The following MAGI2 variants were observed in gnomAD, a reference collection of about 807,000 sequenced individuals.
MAGI2 encodes membrane-associated guanylate kinase, WW and PDZ domain-containing protein 2.
MAGI2 carries 35 observed loss-of-function variants against 133.3 expected under a neutral mutation model. The ratio of observed to expected loss-of-function variants is 0.26; its 90% CI spans 0.20 to 0.35. MAGI2 has a LOEUF of 0.35. MAGI2 is among the 10% of genes least tolerant of loss of function. The pLI, the probability that MAGI2 is intolerant of heterozygous loss-of-function variation, is 1.00. For synonymous variants in MAGI2, 729 were observed against 710.6 expected (o/e 1.03, Z -0.41); for missense variants, 1,636 against 1,863.4 (o/e 0.88, Z 2.25).
At chr7:79,147,357 C>A (rs1407751540) in intron 1 of MAGI2, among the ~76,000 whole-genome samples, 1 of 152,178 alleles carries the variant, frequency 6.6e-6, no homozygotes. Flanking sequence ...CCCAAGCTTG[C>A]TTTACTCTTT....
At chr7:78,039,333 G>T (rs1019246768) in intron 21 of MAGI2, among the ~76,000 whole-genome samples, 2 of 152,156 alleles carry the variant, frequency 1.3e-5, no homozygotes, top group Admixed American at 1.3e-4. Context: ...GCCAGTGTGG[G>T]GCTGGTTCTG....
At chr7:78,280,606 T>C (rs1405814863) in intron 9 of MAGI2, among the ~76,000 whole-genome samples, 1 of 152,092 alleles carries the variant, frequency 6.6e-6, no homozygotes, top group Non-Finnish European at 1.5e-5. Context: ...CATATAAGTA[T>C]CACTACCTCC....
intron 9 of MAGI2, among the ~76,000 whole-genome samples, chr7:78,268,329 A>G (rs1384072023): frequency 6.6e-6 from 1 of 152,188 alleles, no homozygotes; most frequent in Non-Finnish European, 1.5e-5. Context: ...AATGCAAAAC[A>G]GCTAATTAAA....
In MAGI2 at chr7:79,122,633, G is replaced by A. The variant is rs188605309; in HGVS notation, c.302-115427C>T. Among the ~76,000 whole-genome samples the A allele has an allele frequency of 4.6e-3, 695 of 151,964 alleles. 7 individuals are homozygous for A. The highest frequency in any genetic ancestry group is 0.016 in the African/African-American group (659 of 41,468). ...TCTAGTGAGAAACAAAATTATTAAA[G>A]ATTTTAATATATTACTTTTTTTTTT... On this transcript the variant is annotated intron_variant, in intron 1 of 21. Coordinates refer to ENST00000354212, the MANE Select transcript of MAGI2 (RefSeq NM_012301.4).
intron 2 of MAGI2, among the ~76,000 whole-genome samples, chr7:78,870,956 C>A (rs1346760221): frequency 1.3e-5 from 2 of 152,100 alleles, no homozygotes; most frequent in African/African-American, 4.8e-5. Flanking sequence ...AATGGAAAAC[C>A]AAATATTATA....
At chr7:78,676,896 C>T (rs1343385450) in intron 2 of MAGI2, among the ~76,000 whole-genome samples, 1 of 151,984 alleles carries the variant, frequency 6.6e-6, no homozygotes, top group Non-Finnish European at 1.5e-5. Flanking sequence ...TCTTACTAAA[C>T]AAATAAAGCA....
chr7:78,908,270 T>C (rs1798132256), intron 2 of MAGI2, among the ~76,000 whole-genome samples: 1 of 152,250 alleles, frequency 6.6e-6, no homozygotes, highest in Non-Finnish European at 1.5e-5. Flanking sequence ...GTTGTCATTA[T>C]ATTTGTTTTA....
At chr7:79,440,904 CACA>C (rs1563226728) in intron 1 of MAGI2, among the ~76,000 whole-genome samples, 1 of 152,206 alleles carries the variant, frequency 6.6e-6, no homozygotes. Context: ...TCTTCACGAT[CACA>C]ACATGACTAC....
intron 2 of MAGI2, among the ~76,000 whole-genome samples, chr7:78,942,182 C>T (rs531907463): frequency 1.3e-5 from 2 of 152,174 alleles, no homozygotes; most frequent in East Asian, 3.9e-4. Context: ...ATTCTGTGGG[C>T]CAGGTGGCAA....
chr7:79,409,139 T>C (rs1037570127), intron 1 of MAGI2, among the ~76,000 whole-genome samples: 2 of 152,136 alleles, frequency 1.3e-5, no homozygotes, highest in Admixed American at 1.3e-4. Flanking sequence ...ATAAATTCAT[T>C]AGATATACTA....
chr7:78,590,461 A>G lies in MAGI2; in HGVS notation c.538+36659T>C, dbSNP rs77729446. Among the ~76,000 whole-genome samples, 102 of 152,336 alleles carry G rather than the reference A, an allele frequency of 6.7e-4. 2 individuals are homozygous for G. The East Asian group carries it at 0.018, about 27-fold the overall frequency. The stretch of plus-strand genomic sequence containing the variant: ...CCAGGACATTGGGAAAATTTTTCAC[A>G]TTTAGCTTCAGGCATTTGCGGAATA... On this transcript the variant is annotated intron_variant, in intron 3 of 21. Transcript: ENST00000354212.
intron 3 of MAGI2, among the ~76,000 whole-genome samples, chr7:78,566,533 TAA>T (rs67057557): frequency 2.2e-5 from 3 of 137,152 alleles, no homozygotes; most frequent in Non-Finnish European, 1.6e-5. Context: ...AGACACAGTT[TAA>T]AAAAAAAAAA....
chr7:79,435,431 T>TTTA (rs1230139034), intron 1 of MAGI2, among the ~76,000 whole-genome samples: 1 of 152,198 alleles, frequency 6.6e-6, no homozygotes, highest in Non-Finnish European at 1.5e-5. Flanking sequence ...AAGTGCATAA[T>TTTA]TTATTGGGAT....
rs113198575 is a variant in MAGI2 at position 79,399,494 on chromosome 7, G to T, written c.301+53526C>A. On this transcript the variant is annotated intron_variant, in intron 1 of 21. Transcript: ENST00000354212. ...TGCTTCACTGCCAGGGTTGTAGAGA[G>T]CATCTTGTGGCTAGGAAAAGATTAG... Among the ~76,000 whole-genome samples the T allele has an allele frequency of 4.5e-3, 679 of 152,162 alleles. 3 individuals carry two copies. The highest frequency in any genetic ancestry group is 0.015 in the African/African-American group (632 of 41,504).
intron 6 of MAGI2, among the ~76,000 whole-genome samples, chr7:78,439,231 C>G (rs1002723154): frequency 6.6e-6 from 1 of 152,116 alleles, no homozygotes; most frequent in South Asian, 2.1e-4. Context: ...GAATGTTGCC[C>G]GAGTCAGTCA....
chr7:79,169,661 T>C (rs1417090438), intron 1 of MAGI2, among the ~76,000 whole-genome samples: 1 of 78,304 alleles, frequency 1.3e-5, no homozygotes, highest in Non-Finnish European at 4.2e-5. Context: ...TATTTTATTA[T>C]TTCCATGTGT....
At chr7:78,044,992 C>T (rs1403377622) in intron 21 of MAGI2, among the ~76,000 whole-genome samples, 1 of 152,088 alleles carries the variant, frequency 6.6e-6, no homozygotes, top group Non-Finnish European at 1.5e-5. Context: ...CACGGTGAAA[C>T]CCCGTCTCTA....
intron 6 of MAGI2, among the ~76,000 whole-genome samples, chr7:78,426,404 C>A (rs1165911891): frequency 6.6e-6 from 1 of 151,618 alleles, no homozygotes; most frequent in South Asian, 2.1e-4. Flanking sequence ...GGGAACTGAA[C>A]AATGGAACAC....
chr7:78,412,877 A>C (rs1797988370), intron 6 of MAGI2, among the ~76,000 whole-genome samples: 1 of 152,106 alleles, frequency 6.6e-6, no homozygotes, highest in Admixed American at 6.6e-5. Context: ...ATGATTTATA[A>C]ATTTCCAATT....
Sources: gnomAD v4.1 joint callset for allele counts (sites outside exome capture counted in the v4.1 genomes callset) on GRCh38, gnomAD v4.1.1 for gene constraint, MANE v1.5 for transcripts, NCBI Gene and HGNC (gene_info 2026-07-23, HGNC 2026-07-21) for gene names.